PTPRQ: variants seen among roughly 807,000 people sequenced by gnomAD.
The protein encoded by PTPRQ is phosphatidylinositol phosphatase PTPRQ.
Under a neutral mutation model 246.0 loss-of-function variants are expected in PTPRQ, and 199 were observed. The ratio of observed to expected loss-of-function variants is 0.81; its 90% CI spans 0.72 to 0.91. The LOEUF is 0.91. PTPRQ is among the 40% of genes least tolerant of loss of function. The pLI is 0.00. For synonymous variants in PTPRQ, 869 were observed against 853.2 expected (o/e 1.02, Z -0.32); for missense variants, 2,624 against 2,528.4 (o/e 1.04, Z -0.81).
At position 80,541,554 on chromosome 12, in the gene PTPRQ, G is replaced by C. The variant is rs1896151099; in HGVS notation, c.3155-1G>C. The C allele has an allele frequency of 6.7e-7, 1 of 1,501,226 alleles. No individual in the cohort carries two copies. The highest frequency in any genetic ancestry group is 2.5e-5 in the East Asian group (1 of 40,448). The allele number at this position is 1,501,226 out of a possible 1,614,324, so 93.0% of individuals were successfully genotyped here. On this transcript the variant is annotated splice_acceptor_variant, in intron 20 of 44. Coordinates refer to ENST00000644991, the MANE Select transcript of PTPRQ (RefSeq NM_001145026.2). LOFTEE classifies it high-confidence loss of function. ...TGTATTTTGCCCATTACCTATCATA[G>C]TACCTGAAGGGTTTGTTGGAAACCT...
intron 42 of PTPRQ, 38 bp downstream of exon 42, chr12:80,670,530 G>T: frequency 7.0e-7 from 1 of 1,426,452 alleles, no homozygotes; most frequent in South Asian, 1.6e-5. Flanking sequence ...GAACCCATTG[G>T]TCTTTTTATT....
At chr12:80,505,633 C>A (rs1020596223) in intron 14 of PTPRQ, among the ~76,000 whole-genome samples, 2 of 151,788 alleles carry the variant, frequency 1.3e-5, no homozygotes, top group Admixed American at 1.3e-4. Flanking sequence ...ACCTTGCTGT[C>A]GACCAAAACT....
chr12:80,658,085 T>TATAATTGTATAAAAC, intron 39 of PTPRQ, 24 bp downstream of exon 39: 1 of 1,237,698 alleles, frequency 8.1e-7, no homozygotes. Context: ...TTATATATTT[T>TATAATTGTATAAAAC]ATAATTGTAT....
intron 24 of PTPRQ, 46 bp from the exon 25 acceptor site, chr12:80,549,419 T>A (rs758830586): frequency 2.7e-5 from 40 of 1,478,084 alleles, no homozygotes; most frequent in Non-Finnish European, 3.3e-5. Flanking sequence ...ATTATCTACT[T>A]ACATATGTAT....
intron 42 of PTPRQ, among the ~76,000 whole-genome samples, chr12:80,670,718 T>C (rs1180351035): frequency 6.6e-6 from 1 of 151,998 alleles, no homozygotes; most frequent in East Asian, 1.9e-4. Context: ...GTTTGGAGAT[T>C]AGAGGAAAAT....
chr12:80,502,637 T>C (rs1894837462), intron 14 of PTPRQ, among the ~76,000 whole-genome samples: 1 of 151,824 alleles, frequency 6.6e-6, no homozygotes, highest in Non-Finnish European at 1.5e-5. Context: ...CCTGAGCATG[T>C]AGGGAAATGA....
At chr12:80,467,334 A>G (rs1592541908) in intron 6 of PTPRQ, among the ~76,000 whole-genome samples, 1 of 152,090 alleles carries the variant, frequency 6.6e-6, no homozygotes. Flanking sequence ...TTAGAATGGC[A>G]ATCATTAAAA....
chr12:80,468,597 A>T (rs2120529145), intron 6 of PTPRQ, 113 bp from the exon 7 acceptor site: 2 of 1,124,072 alleles, frequency 1.8e-6, no homozygotes, highest in South Asian at 2.5e-5. Context: ...CTCTGCTTTT[A>T]AGCGCGATAT....
chr12:80,619,495 A>G lies in PTPRQ; in HGVS notation c.5342A>G (p.Asp1781Gly). ...IRMPICYYSD[D>G]HGPIKNVQVL... is the part of the protein sequence containing the mutation. ...ATGCCAATATGTTACTACAGTGATG[A>G]TCATGGACCAATAAAAAATGTACAA... Residue 1781 changes from aspartate to glycine, a missense_variant, in exon 31 of 45, where the codon GAT becomes GGT. Physicochemically the swap from Asp to Gly is moderately conservative, Grantham distance 94. Transcript: ENST00000644991. 6.5e-7 allele frequency: 1 copy of G among 1,542,650 alleles called. No individual in the cohort carries two copies. Among genetic ancestry groups the G allele is most frequent in the Non-Finnish European group, 8.8e-7 (1 of 1,141,836 alleles).
chr12:80,600,542 G>T (rs1210649577), intron 26 of PTPRQ, among the ~76,000 whole-genome samples: 1 of 151,762 alleles, frequency 6.6e-6, no homozygotes, highest in Admixed American at 6.6e-5. Context: ...AACTTTCTTA[G>T]CCGCAGAAAA....
At chr12:80,472,839 T>A (rs1893683937) in intron 8 of PTPRQ, among the ~76,000 whole-genome samples, 1 of 152,178 alleles carries the variant, frequency 6.6e-6, no homozygotes, top group East Asian at 1.9e-4. Flanking sequence ...CCATACTATT[T>A]CACAACATAT....
chr12:80,490,674 C>A (rs1182174047), intron 9 of PTPRQ, among the ~76,000 whole-genome samples: 1 of 151,902 alleles, frequency 6.6e-6, no homozygotes, highest in Admixed American at 6.6e-5. Flanking sequence ...GCCTCCGCAA[C>A]AGAAAAATAT....
chr12:80,611,026 A>G lies in PTPRQ; in HGVS notation c.4918+401A>G, dbSNP rs923077579. On this transcript the variant is annotated intron_variant, in intron 28 of 44. Coordinates refer to ENST00000644991, the MANE Select transcript of PTPRQ (RefSeq NM_001145026.2). ...TTATTTGAATGAATATTAAACTTGTAATACTCTGTGAGTATTAAATAATCT... is the reference window on the plus strand; with the variant it reads ...TTATTTGAATGAATATTAAACTTGTGATACTCTGTGAGTATTAAATAATCT... Among the ~76,000 whole-genome samples the G allele has an allele frequency of 3.3e-5, 5 of 150,382 alleles. No individual in the cohort carries two copies. In the Admixed American group the frequency reaches 3.3e-4, roughly 10 times the overall value.
intron 31 of PTPRQ, 129 bp from the exon 32 acceptor site, chr12:80,620,025 T>C: frequency 8.2e-7 from 1 of 1,213,260 alleles, no homozygotes; most frequent in South Asian, 1.7e-5. Context: ...GGTGGATCAC[T>C]TGAATTATCT....
intron 2 of PTPRQ, 67 bp from the exon 3 acceptor site, chr12:80,445,421 GTTA>G (rs1892521246): frequency 3.2e-6 from 3 of 949,836 alleles, no homozygotes; most frequent in Admixed American, 2.7e-5. Flanking sequence ...TATAAATACT[GTTA>G]TTATGTATTT....
At chr12:80,550,877 C>A (rs1896454208) in intron 25 of PTPRQ, among the ~76,000 whole-genome samples, 1 of 151,790 alleles carries the variant, frequency 6.6e-6, no homozygotes, top group South Asian at 2.1e-4. Flanking sequence ...TAGTCTGTTC[C>A]CCCATCATCC....
chr12:80,674,907 A>G (rs1592785046), intron 43 of PTPRQ, among the ~76,000 whole-genome samples: 1 of 152,076 alleles, frequency 6.6e-6, no homozygotes, highest in Admixed American at 6.6e-5. Context: ...GTATTCCAGG[A>G]GTATGATGAA....
At chr12:80,488,902 AG>A (rs1212150447) in intron 9 of PTPRQ, among the ~76,000 whole-genome samples, 1 of 152,014 alleles carries the variant, frequency 6.6e-6, no homozygotes, top group Non-Finnish European at 1.5e-5. Context: ...AATGAGTCTC[AG>A]GGTTTGAGAT....
intron 26 of PTPRQ, among the ~76,000 whole-genome samples, chr12:80,590,077 C>T (rs1317291000): frequency 2.0e-5 from 3 of 152,176 alleles, no homozygotes; most frequent in Admixed American, 2.0e-4. Flanking sequence ...ATCAACTAAT[C>T]ACTGGGCTTG....
Sources: gnomAD v4.1 joint callset for allele counts (sites outside exome capture counted in the v4.1 genomes callset) on GRCh38, gnomAD v4.1.1 for gene constraint, MANE v1.5 for transcripts, NCBI Gene and HGNC (gene_info 2026-07-23, HGNC 2026-07-21) for gene names.